FOXN3: variants seen among roughly 807,000 people sequenced by gnomAD.
FOXN3 encodes the protein forkhead box N3, also known as forkhead box protein N3.
FOXN3 carries 7 observed loss-of-function variants against 38.4 expected under a neutral mutation model. That is an observed-to-expected ratio of 0.18 (90% CI 0.10 to 0.34). The LOEUF is 0.34. FOXN3 is among the 10% of genes least tolerant of loss of function. The probability of loss-of-function intolerance (pLI) is 1.00; values close to 1 mark genes in which losing one functional copy is unlikely to be tolerated. For missense variants in FOXN3, 456 were observed against 613.4 expected (o/e 0.74, Z 2.71); for synonymous variants, 230 against 242.2 (o/e 0.95, Z 0.47).
At chr14:89,197,417 G>A (rs1596096160) in intron 4 of FOXN3, among the ~76,000 whole-genome samples, 1 of 151,898 alleles carries the variant, frequency 6.6e-6, no homozygotes, top group African/African-American at 2.4e-5. Flanking sequence ...TGGGGCATAA[G>A]AATTGCTTGA....
chr14:89,513,660 T>TC (rs1384476963), intron 1 of FOXN3, among the ~76,000 whole-genome samples: 2 of 152,298 alleles, frequency 1.3e-5, no homozygotes, highest in East Asian at 1.9e-4. Flanking sequence ...AATGGCACGA[T>TC]CTCGGCTCAC....
intron 1 of FOXN3, among the ~76,000 whole-genome samples, chr14:89,609,282 G>T (rs1328383962): frequency 6.6e-6 from 1 of 152,062 alleles, no homozygotes; most frequent in Non-Finnish European, 1.5e-5. Flanking sequence ...GCTCACTGCA[G>T]CCTCAACCTC....
At position 89,433,268 on chromosome 14, in the gene FOXN3, C is replaced by G. The variant is rs148126111; in HGVS notation, c.-14-20778G>C. 6.4e-4 allele frequency among the ~76,000 whole-genome samples: 98 copies of G among 152,068 alleles called. 2 individuals carry two copies. The East Asian group carries it at 0.011, about 18-fold the overall frequency. On this transcript the variant is annotated intron_variant, in intron 1 of 6. Transcript: ENST00000345097. ...GGAGGCCAAGGTGGGCAGATCACAACGTCAGGAGTTCAAGACCAACCTGGC... is the reference window on the plus strand; with the variant it reads ...GGAGGCCAAGGTGGGCAGATCACAAGGTCAGGAGTTCAAGACCAACCTGGC...
chr14:89,552,085 G>A (rs886893165), intron 1 of FOXN3, among the ~76,000 whole-genome samples: 1 of 152,162 alleles, frequency 6.6e-6, no homozygotes, highest in African/African-American at 2.4e-5. Context: ...AAAACAGAAG[G>A]AAATCTGTTG....
chr14:89,412,141 G>A lies in FOXN3; in HGVS notation c.336C>T (p.Asn112=), dbSNP rs79125183. 3,240 of 1,611,168 alleles carry A rather than the reference G, an allele frequency of 2.0e-3. 71 individuals carry two copies. In the African/African-American group the frequency reaches 0.037, roughly 18 times the overall value. The change falls in exon 2 of 6, where the codon AAC becomes AAT. Residue 112 remains asparagine (N), a synonymous_variant. Transcript: ENST00000557258. The surrounding 1 kb of genome is among the most constrained non-coding windows in gnomAD (Gnocchi z 4.7). ...AGCTGAAGGAGTAGGGGGGTTTGCAGTTGGGGTTCTGCCTGGCATCGTAGG... is the reference window on the plus strand; with the variant it reads ...AGCTGAAGGAGTAGGGGGGTTTGCAATTGGGGTTCTGCCTGGCATCGTAGG... ...DMPYDARQNP[N]CKPPYSFSCL...
chr14:89,384,482 G>A (rs1425780433), intron 2 of FOXN3, among the ~76,000 whole-genome samples: 1 of 152,168 alleles, frequency 6.6e-6, no homozygotes, highest in Non-Finnish European at 1.5e-5. Flanking sequence ...ACTATGGGCA[G>A]ACACTAAAAA....
At chr14:89,278,154 C>G (rs555917686) in intron 4 of FOXN3, among the ~76,000 whole-genome samples, 1 of 152,176 alleles carries the variant, frequency 6.6e-6, no homozygotes, top group Non-Finnish European at 1.5e-5. Flanking sequence ...AATGGACTCA[C>G]AGTTCCACGT....
chr14:89,253,967 G>A (rs7153829), intron 4 of FOXN3, among the ~76,000 whole-genome samples: 12 of 152,048 alleles, frequency 7.9e-5, no homozygotes, highest in East Asian at 1.9e-4. Flanking sequence ...CACCCAGCAC[G>A]ATCCCTGGCC....
chr14:89,422,745 T>G (rs991826051), intron 1 of FOXN3, among the ~76,000 whole-genome samples: 1 of 152,210 alleles, frequency 6.6e-6, no homozygotes, highest in Admixed American at 6.5e-5. Context: ...TGCTGTTTAC[T>G]TGACAGATTC....
intron 1 of FOXN3, among the ~76,000 whole-genome samples, chr14:89,556,037 T>C (rs1008723490): frequency 6.6e-6 from 1 of 152,174 alleles, no homozygotes; most frequent in Non-Finnish European, 1.5e-5. Flanking sequence ...GTTTTCATCA[T>C]GTAACAAGCA....
intron 1 of FOXN3, among the ~76,000 whole-genome samples, chr14:89,511,271 CTTTCTTT>C (rs1566681414): frequency 1.8e-5 from 1 of 55,424 alleles, no homozygotes; most frequent in African/African-American, 5.5e-5. Flanking sequence ...TTCTTTCTTT[CTTTCTTT>C]CTTTCTTTCT....
chr14:89,333,966 G>GTGTATATA (rs1490383212), intron 3 of FOXN3, among the ~76,000 whole-genome samples: 22 of 131,542 alleles, frequency 1.7e-4, no homozygotes, highest in African/African-American at 6.1e-4. Context: ...AATGTGGTGT[G>GTGTATATA]TATATATATA....
chr14:89,417,808 AGCGTCCCACCCAGGTGGCC>A (rs1891794603), upstream of FOXN3: 3 of 452,706 alleles, frequency 6.6e-6, no homozygotes, highest in Middle Eastern at 4.4e-4. Flanking sequence ...TAAGCACCGC[AGCGTCCCACCCAGGTGGCC>A]GCGTGTCTCC....
chr14:89,291,909 C>A (rs978091364), intron 3 of FOXN3, among the ~76,000 whole-genome samples: 3 of 152,172 alleles, frequency 2.0e-5, no homozygotes, highest in Non-Finnish European at 4.4e-5. Flanking sequence ...GTGACACCCA[C>A]CTCATCAGCT....
At chr14:89,532,240 G>A (rs1275164985) in intron 1 of FOXN3, among the ~76,000 whole-genome samples, 3 of 152,194 alleles carry the variant, frequency 2.0e-5, no homozygotes, top group African/African-American at 7.2e-5. Flanking sequence ...AATGCCCAGA[G>A]AAAGCCATGG....
At chr14:89,301,618 A>G (rs1434584039) in intron 3 of FOXN3, among the ~76,000 whole-genome samples, 4 of 151,944 alleles carry the variant, frequency 2.6e-5, no homozygotes, top group African/African-American at 9.7e-5. Context: ...ATATACAAAA[A>G]TTACCTGGGT....
intron 2 of FOXN3, among the ~76,000 whole-genome samples, chr14:89,396,037 C>G (rs561935663): frequency 2.6e-5 from 4 of 152,266 alleles, no homozygotes; most frequent in African/African-American, 9.6e-5. Flanking sequence ...TGGCTAAATA[C>G]TAATAGGCAG....
chr14:89,205,356 C>T lies in FOXN3; in HGVS notation c.746-24550G>A, dbSNP rs111642308. Among the ~76,000 whole-genome samples the T allele has an allele frequency of 8.7e-3, 1,326 of 152,158 alleles. 18 individuals carry two copies. The highest frequency in any genetic ancestry group is 0.03 in the African/African-American group (1,237 of 41,528). ...ACGGGAAGTGCCGGGTACAGAAGGG[C>T]GGGGTCCCTGGCGAGGGCTCCACCC... On this transcript the variant is annotated intron_variant, in intron 4 of 5. Coordinates refer to ENST00000557258, the MANE Select transcript of FOXN3 (RefSeq NM_005197.4).
intron 2 of FOXN3, among the ~76,000 whole-genome samples, chr14:89,390,896 T>A (rs1382947371): frequency 2.0e-5 from 3 of 152,098 alleles, no homozygotes; most frequent in African/African-American, 7.2e-5. Flanking sequence ...TACTTATTAT[T>A]TAGGAAAGAG....
Sources: gnomAD v4.1 joint callset for allele counts (sites outside exome capture counted in the v4.1 genomes callset) on GRCh38, gnomAD v4.1.1 for gene constraint, Gnocchi (gnomAD v3.1) non-coding constraint, MANE v1.5 for transcripts, NCBI Gene and HGNC (gene_info 2026-07-23, HGNC 2026-07-21) for gene names.